PDE4D: variants seen among roughly 807,000 people sequenced by gnomAD.
PDE4D encodes the protein 3',5'-cyclic-AMP phosphodiesterase 4D.
Under a neutral mutation model 87.4 loss-of-function variants are expected in PDE4D, and 24 were observed. That is an observed-to-expected ratio of 0.27 (90% CI 0.20 to 0.39). PDE4D has a LOEUF of 0.39. Among genes scored for constraint, PDE4D ranks in the 10% least tolerant of loss-of-function variants. The pLI is 1.00. For synonymous variants in PDE4D, 384 were observed against 383.2 expected, an observed-to-expected ratio of 1.00 and a Z score of -0.02; for missense variants, 714 against 1,041.0, an observed-to-expected ratio of 0.69 and a Z score of 4.32.
At chr5:60,235,026 C>T (rs1015630025) in intron 1 of PDE4D, among the ~76,000 whole-genome samples, 3 of 151,834 alleles carry the variant, frequency 2.0e-5, no homozygotes, top group Non-Finnish European at 2.9e-5. Flanking sequence ...TTCTAGATAA[C>T]AGGCTTAAAG....
chr5:59,337,779 A>G (rs1347826638), intron 1 of PDE4D, among the ~76,000 whole-genome samples: 3 of 152,168 alleles, frequency 2.0e-5, no homozygotes, highest in Admixed American at 1.3e-4. Context: ...ATGATTTCAC[A>G]ATGTCACGTT....
chr5:59,333,912 T>C (rs1345453972), intron 1 of PDE4D, among the ~76,000 whole-genome samples: 8 of 151,974 alleles, frequency 5.3e-5, no homozygotes, highest in African/African-American at 1.4e-4. Context: ...GTATATAATA[T>C]ACTATAATAA....
chr5:60,026,483 G>A (rs1292661687), intron 2 of PDE4D, among the ~76,000 whole-genome samples: 2 of 152,164 alleles, frequency 1.3e-5, no homozygotes, highest in African/African-American at 2.4e-5. Context: ...TTTGAGTCCT[G>A]AGAATGAGGA....
intron 1 of PDE4D, among the ~76,000 whole-genome samples, chr5:59,698,262 A>G (rs1269064966): frequency 1.3e-5 from 2 of 152,150 alleles, no homozygotes; most frequent in Non-Finnish European, 2.9e-5. Context: ...TTTTTCAAAC[A>G]GCAAAATGTT....
At chr5:60,302,389 A>G (rs1043700473) in intron 1 of PDE4D, among the ~76,000 whole-genome samples, 2 of 152,108 alleles carry the variant, frequency 1.3e-5, no homozygotes, top group African/African-American at 4.8e-5. Flanking sequence ...TTCCTGGTTC[A>G]GTCTTTGGAA....
chr5:59,658,988 G>A (rs1009855355), intron 1 of PDE4D, among the ~76,000 whole-genome samples: 2 of 152,138 alleles, frequency 1.3e-5, no homozygotes, highest in Non-Finnish European at 2.9e-5. Flanking sequence ...GGGCAACAGA[G>A]TGCCTCTGTC....
intron 1 of PDE4D, among the ~76,000 whole-genome samples, chr5:59,305,420 T>C (rs979844877): frequency 3.9e-5 from 6 of 152,022 alleles, no homozygotes; most frequent in African/African-American, 1.2e-4. Flanking sequence ...GCTCTGATCT[T>C]GATTATTTCC....
intron 3 of PDE4D, among the ~76,000 whole-genome samples, chr5:59,960,770 T>C (rs1369160155): frequency 2.0e-5 from 3 of 152,076 alleles, no homozygotes; most frequent in Non-Finnish European, 2.9e-5. Context: ...TTCATTATCT[T>C]AGTGACAAGA....
At chr5:59,873,054 G>T (rs1040407512) in intron 1 of PDE4D, among the ~76,000 whole-genome samples, 1 of 152,094 alleles carries the variant, frequency 6.6e-6, no homozygotes, top group Non-Finnish European at 1.5e-5. Context: ...GGGCTGAAAC[G>T]CTATACTTTT....
At chr5:59,980,351 G>A (rs1210491711) in intron 3 of PDE4D, among the ~76,000 whole-genome samples, 1 of 152,158 alleles carries the variant, frequency 6.6e-6, no homozygotes, top group Non-Finnish European at 1.5e-5. Context: ...GCTTAATATA[G>A]TATTGTGCCC....
In PDE4D at chr5:60,515,563, G is replaced by T. The variant is rs567288115; in HGVS notation, n.70+6488C>A. 3.4e-5 allele frequency among the ~76,000 whole-genome samples: 5 copies of T among 147,584 alleles called. No individual in the cohort carries two copies. The South Asian group carries it at 1.1e-3, about 32-fold the overall frequency. Reference sequence around the variant, plus strand: ...GAGATTATATGTTTTAAGATAAGGTGTTAGTTCTTGATCTGAGCTTTCTTT... The same window carrying T: ...GAGATTATATGTTTTAAGATAAGGTTTTAGTTCTTGATCTGAGCTTTCTTT... On this transcript the variant is annotated intron_variant and non_coding_transcript_variant, in intron 1 of 2. Transcript: ENST00000506510.
At chr5:59,712,570 G>T (rs1221019298) in intron 1 of PDE4D, among the ~76,000 whole-genome samples, 1 of 150,088 alleles carries the variant, frequency 6.7e-6, no homozygotes, top group Non-Finnish European at 1.5e-5. Flanking sequence ...TTAGTCTACT[G>T]AATCTATTCT....
intron 1 of PDE4D, among the ~76,000 whole-genome samples, chr5:59,473,083 GAAA>G (rs10573988): frequency 0.016 from 1,448 of 92,116 alleles, 26 homozygotes; most frequent in East Asian, 0.12. Flanking sequence ...GCTTTCTCAT[GAAA>G]AAAAAAAAAA....
At chr5:60,212,130 A>G (rs371827966) in intron 1 of PDE4D, among the ~76,000 whole-genome samples, 1 of 152,132 alleles carries the variant, frequency 6.6e-6, no homozygotes, top group East Asian at 1.9e-4. Context: ...TTTAAGTGTC[A>G]CTAAATTCAT....
intron 2 of PDE4D, among the ~76,000 whole-genome samples, chr5:60,172,550 A>C (rs953604953): frequency 6.6e-6 from 1 of 152,042 alleles, no homozygotes; most frequent in African/African-American, 2.4e-5. Context: ...CTCTAGGAGG[A>C]ACACAGCCCT....
chr5:60,119,141 T>C (rs940351704), intron 2 of PDE4D, among the ~76,000 whole-genome samples: 1 of 152,214 alleles, frequency 6.6e-6, no homozygotes, highest in Non-Finnish European at 1.5e-5. Context: ...TTCCACAATC[T>C]GACTTTCATC....
chr5:60,247,598 C>T (rs765660198), intron 1 of PDE4D, among the ~76,000 whole-genome samples: 31 of 152,044 alleles, frequency 2.0e-4, no homozygotes, highest in Non-Finnish European at 4.3e-4. Flanking sequence ...CCCCTAGCTA[C>T]AACTAGAAAC....
intron 1 of PDE4D, among the ~76,000 whole-genome samples, chr5:59,820,022 G>C (rs540332218): frequency 2.0e-5 from 3 of 152,248 alleles, no homozygotes; most frequent in Admixed American, 6.5e-5. Flanking sequence ...CAGCCCCTTG[G>C]CCTGTCAGAA....
At chr5:59,871,256 C>A (rs1291638904) in intron 1 of PDE4D, among the ~76,000 whole-genome samples, 1 of 152,158 alleles carries the variant, frequency 6.6e-6, no homozygotes, top group African/African-American at 2.4e-5. Flanking sequence ...GTCAGAGTTT[C>A]TTTCTCCTGC....
Sources: allele counts gnomAD v4.1 joint callset (sites outside exome capture counted in the v4.1 genomes callset), GRCh38; gene constraint gnomAD v4.1.1; transcripts MANE v1.5; gene names NCBI Gene and HGNC (gene_info 2026-07-23, HGNC 2026-07-21).